The following SGCD variants were observed in gnomAD, a reference collection of about 807,000 sequenced individuals.
The protein encoded by SGCD is delta-sarcoglycan.
A neutral mutation model predicts 36.6 loss-of-function variants in SGCD; 18 were observed. The observed-to-expected ratio is 0.49, with a 90% CI of 0.34 to 0.73. The LOEUF (loss-of-function observed/expected upper bound fraction) is 0.73, where lower values mean the gene tolerates loss of function less well. Among genes scored for constraint, SGCD ranks in the 30% least tolerant of loss-of-function variants. SGCD has a pLI of 0.01. For missense variants in SGCD, 387 were observed against 346.7 expected (o/e 1.12, Z -0.92); for synonymous variants, 133 against 130.6 (o/e 1.02, Z -0.12).
chr5:155,825,800 G>A, the SGCD span, among the ~76,000 whole-genome samples: 8 of 151,826 alleles, frequency 5.3e-5, no homozygotes, highest in African/African-American at 1.9e-4. Flanking sequence ...CCAAGCTGGA[G>A]TGAAGTGGCA....
At chr5:156,417,525 C>T (rs1773108228) in intron 3 of SGCD, among the ~76,000 whole-genome samples, 1 of 152,082 alleles carries the variant, frequency 6.6e-6, no homozygotes, top group African/African-American at 2.4e-5. Flanking sequence ...GCTTAAACAA[C>T]AGAAATTATT....
At chr5:156,279,620 G>C (rs1766397832) in intron 3 of SGCD, among the ~76,000 whole-genome samples, 1 of 152,076 alleles carries the variant, frequency 6.6e-6, no homozygotes, top group Non-Finnish European at 1.5e-5. Flanking sequence ...CCTCTTTTTT[G>C]GGGGAACAGT....
At chr5:156,680,871 C>T (rs1321915913) in intron 7 of SGCD, among the ~76,000 whole-genome samples, 5 of 152,184 alleles carry the variant, frequency 3.3e-5, no homozygotes, top group African/African-American at 1.2e-4. Flanking sequence ...CCTTGACCCC[C>T]TTCATGGGCA....
rs1766111478 is a variant in SGCD, at chr5:156,269,510, A to ACAAAAG, written c.-43-60023_-43-60022insAAAAGC. Among the ~76,000 whole-genome samples the ACAAAAG allele has an allele frequency of 1.5e-5, 2 of 137,650 alleles. 1 individual carries two copies. Among genetic ancestry groups the ACAAAAG allele is most frequent in the Non-Finnish European group, 3.1e-5 (2 of 63,632 alleles). 90.3% of individuals were successfully genotyped at this position (137,650 alleles called of 152,430 possible). On this transcript the variant is annotated intron_variant, in intron 3 of 9. Coordinates refer to the SGCD transcript ENST00000517913. ...AAAAAAAAAAAAAAAAAAAAAAAAA[A>ACAAAAG]CCATCAGATCTCATGAAACTTATTC...
At chr5:156,585,679 A>G (rs2113354881) in intron 4 of SGCD, among the ~76,000 whole-genome samples, 1 of 152,224 alleles carries the variant, frequency 6.6e-6, no homozygotes, top group African/African-American at 2.4e-5. Flanking sequence ...CCAAAGGCAA[A>G]ATCTCATGGA....
intron 2 of SGCD, among the ~76,000 whole-genome samples, chr5:156,120,634 C>T (rs977442975): frequency 2.6e-5 from 4 of 152,020 alleles, no homozygotes; most frequent in African/African-American, 9.7e-5. Context: ...ATTGTAAGTA[C>T]CTTTTCTCTG....
At chr5:156,466,110 G>A (rs571984286) in intron 3 of SGCD, among the ~76,000 whole-genome samples, 4 of 152,256 alleles carry the variant, frequency 2.6e-5, no homozygotes, top group South Asian at 4.1e-4. Context: ...AGATAACACC[G>A]GAAGGCAGCT....
At chr5:156,385,885 C>T (rs980824667) in intron 3 of SGCD, among the ~76,000 whole-genome samples, 3 of 152,200 alleles carry the variant, frequency 2.0e-5, no homozygotes, top group Admixed American at 2.0e-4. Flanking sequence ...GTTGCCCAAA[C>T]TACCCTCACA....
chr5:156,526,615 A>T (rs931933973), intron 4 of SGCD, among the ~76,000 whole-genome samples: 2 of 152,138 alleles, frequency 1.3e-5, no homozygotes, highest in Non-Finnish European at 2.9e-5. Context: ...TAAATTATGG[A>T]TATTATTAAA....
chr5:156,305,546 C>A (rs1168882101), intron 3 of SGCD, among the ~76,000 whole-genome samples: 2 of 152,176 alleles, frequency 1.3e-5, no homozygotes, highest in Non-Finnish European at 2.9e-5. Context: ...TGGAGAACCT[C>A]TGTTAGGGCA....
chr5:156,555,402 T>G (rs779387790), intron 4 of SGCD, among the ~76,000 whole-genome samples: 1 of 152,132 alleles, frequency 6.6e-6, no homozygotes, highest in Non-Finnish European at 1.5e-5. Flanking sequence ...TTGTGTATGT[T>G]GTTAGGTAGA....
chr5:156,357,705 G>C (rs1404407804), intron 3 of SGCD, among the ~76,000 whole-genome samples: 2 of 152,144 alleles, frequency 1.3e-5, no homozygotes, highest in Non-Finnish European at 2.9e-5. Flanking sequence ...TAAAGTTAAA[G>C]AATAGGCAAA....
intron 3 of SGCD, among the ~76,000 whole-genome samples, chr5:156,505,187 C>G (rs1358323068): frequency 6.6e-6 from 1 of 152,216 alleles, no homozygotes; most frequent in Non-Finnish European, 1.5e-5. Context: ...CCCTTTGTTG[C>G]AGGTTCCACC....
chr5:156,133,257 A>G (rs1762370381), intron 3 of SGCD, among the ~76,000 whole-genome samples: 1 of 152,238 alleles, frequency 6.6e-6, no homozygotes, highest in African/African-American at 2.4e-5. Context: ...GTGAAGGTCA[A>G]AGCAGATTGA....
At chr5:155,764,665 A>G in the SGCD span, among the ~76,000 whole-genome samples, 8 of 152,174 alleles carry the variant, frequency 5.3e-5, no homozygotes, top group Non-Finnish European at 1.2e-4. Context: ...TCACAAGACC[A>G]ACCTCCGCAT....
the SGCD span, among the ~76,000 whole-genome samples, chr5:155,734,368 C>T: frequency 4.6e-5 from 7 of 151,844 alleles, no homozygotes; most frequent in African/African-American, 1.7e-4. Flanking sequence ...CCACGACTAG[C>T]TAGCTAATTT....
chr5:156,016,997 T>A (rs1445079834), intron 1 of SGCD, among the ~76,000 whole-genome samples: 2 of 152,184 alleles, frequency 1.3e-5, no homozygotes, highest in Non-Finnish European at 2.9e-5. Flanking sequence ...CTGTTGGGGT[T>A]TTACCTTTGA....
intron 3 of SGCD, among the ~76,000 whole-genome samples, chr5:156,372,513 C>G (rs1770438914): frequency 6.6e-6 from 1 of 152,162 alleles, no homozygotes; most frequent in South Asian, 2.1e-4. Context: ...TTCACCTCAT[C>G]CTCCCTTTGG....
chr5:155,852,851 A>C, the SGCD span, among the ~76,000 whole-genome samples: 34 of 152,128 alleles, frequency 2.2e-4, no homozygotes, highest in African/African-American at 8.2e-4. Flanking sequence ...TAAGTGCTTA[A>C]GGCAGAGTTG....
Sources: allele counts gnomAD v4.1 joint callset (sites outside exome capture counted in the v4.1 genomes callset), GRCh38; gene constraint gnomAD v4.1.1; transcripts MANE v1.5; gene names NCBI Gene and HGNC (gene_info 2026-07-23, HGNC 2026-07-21).